The following C8orf34 variants were observed in gnomAD, a reference collection of about 807,000 sequenced individuals.
C8orf34 encodes the protein chromosome 8 open reading frame 34, also known as uncharacterized protein C8orf34.
In C8orf34, 65 loss-of-function variants were observed where a neutral mutation model predicts 68.3. That is an observed-to-expected ratio of 0.95 (90% confidence interval 0.78 to 1.17). C8orf34 has a LOEUF of 1.17. Ranked by LOEUF, C8orf34 falls within the 50% of genes most tolerant of loss-of-function variation. The probability of loss-of-function intolerance (pLI) is 0.00; values close to 1 mark genes in which losing one functional copy is unlikely to be tolerated. For missense variants in C8orf34, 664 were observed against 655.4 expected (o/e 1.01, Z -0.14); for synonymous variants, 244 against 241.2 (o/e 1.01, Z -0.11).
chr8:68,348,029 C>A (rs754164984), intron 1 of C8orf34, among the ~76,000 whole-genome samples: 3 of 152,016 alleles, frequency 2.0e-5, no homozygotes, highest in Non-Finnish European at 4.4e-5. Flanking sequence ...GTTATGAAAT[C>A]TTTGCCCATT....
intron 1 of C8orf34, among the ~76,000 whole-genome samples, chr8:68,390,919 G>A (rs1808455598): frequency 6.6e-6 from 1 of 152,104 alleles, no homozygotes; most frequent in African/African-American, 2.4e-5. Context: ...TCTTCTTCAG[G>A]AAAGCTCAGT....
intron 7 of C8orf34, among the ~76,000 whole-genome samples, chr8:68,639,277 T>C (rs1211645737): frequency 6.6e-6 from 1 of 152,134 alleles, no homozygotes; most frequent in African/African-American, 2.4e-5. Flanking sequence ...CTAAGTGTTT[T>C]TCCAGTTTGC....
chr8:68,353,637 T>TTATATA (rs10593212), intron 1 of C8orf34, among the ~76,000 whole-genome samples: 1 of 143,092 alleles, frequency 7.0e-6, no homozygotes, highest in Non-Finnish European at 1.5e-5. Context: ...TATATATATA[T>TTATATA]TATATATATA....
chr8:68,411,712 C>T (rs137874630), intron 1 of C8orf34, among the ~76,000 whole-genome samples: 5 of 152,262 alleles, frequency 3.3e-5, no homozygotes, highest in African/African-American at 1.2e-4. Context: ...ACTGTATTAC[C>T]AGCAATTACA....
chr8:68,534,700 A>G (rs1356551293), intron 7 of C8orf34: 2 of 985,248 alleles, frequency 2.0e-6, no homozygotes, highest in African/African-American at 1.7e-5. Flanking sequence ...GTGCTCCATA[A>G]CTATACCTGT....
At chr8:68,711,238 T>C (rs1441740218) in intron 9 of C8orf34, among the ~76,000 whole-genome samples, 1 of 152,072 alleles carries the variant, frequency 6.6e-6, no homozygotes, top group Non-Finnish European at 1.5e-5. Flanking sequence ...AAAACAATTC[T>C]GGTAATATGA....
chr8:68,680,523 T>A (rs1265676103), intron 8 of C8orf34, among the ~76,000 whole-genome samples: 1 of 152,050 alleles, frequency 6.6e-6, no homozygotes, highest in Non-Finnish European at 1.5e-5. Flanking sequence ...TATTAAGGGT[T>A]TCAAAAGGGG....
intron 1 of C8orf34, among the ~76,000 whole-genome samples, chr8:68,379,135 A>G (rs1301491621): frequency 6.6e-6 from 1 of 152,260 alleles, no homozygotes; most frequent in African/African-American, 2.4e-5. Flanking sequence ...AACTACATAT[A>G]TAAATCAATT....
chr8:68,681,800 G>C (rs191121977), intron 8 of C8orf34, among the ~76,000 whole-genome samples: 1 of 152,208 alleles, frequency 6.6e-6, no homozygotes, highest in East Asian at 1.9e-4. Context: ...GATAAAGAAA[G>C]TGCACATGTA....
At chr8:68,667,626 C>T (rs528118252) in intron 8 of C8orf34, among the ~76,000 whole-genome samples, 127 of 152,242 alleles carry the variant, frequency 8.3e-4, no homozygotes, top group Non-Finnish European at 1.5e-3. Context: ...GTTATAAATA[C>T]GTCAATGACT....
intron 6 of C8orf34, chr8:68,530,609 T>G (rs1186008540): frequency 6.3e-6 from 8 of 1,262,704 alleles, no homozygotes; most frequent in Non-Finnish European, 8.2e-6. Flanking sequence ...AGACACGTAA[T>G]GCAATGATGC....
intron 1 of C8orf34, among the ~76,000 whole-genome samples, chr8:68,435,198 A>G (rs1586135485): frequency 6.7e-6 from 1 of 149,000 alleles, no homozygotes. Context: ...TAATAAAAAT[A>G]TATAAATATA....
chr8:68,688,912 C>G (rs1820605608), intron 8 of C8orf34, among the ~76,000 whole-genome samples: 2 of 152,012 alleles, frequency 1.3e-5, no homozygotes, highest in South Asian at 4.1e-4. Context: ...TTGATAGGTG[C>G]AGCAAACCAT....
rs545965732 is a variant in C8orf34 at position 68,747,736 on chromosome 8, G to C, written c.1404+26299G>C. ...AACCACTGCTCAAGGAAATAAAAGA[G>C]GATACAAACAAATGGAAGAACATTC... On this transcript the variant is annotated intron_variant, in intron 10 of 13. Coordinates refer to ENST00000518698, the MANE Select transcript of C8orf34 (RefSeq NM_052958.4). Among the ~76,000 whole-genome samples, 856 of 151,888 alleles carry C rather than the reference G, an allele frequency of 5.6e-3. 8 individuals are homozygous for C. The highest frequency in any genetic ancestry group is 0.02 in the African/African-American group (810 of 41,380).
chr8:68,792,571 C>CAAAAAAA lies in C8orf34; in HGVS notation c.1549+5059_1549+5065dup, dbSNP rs1162293308. 1.3e-3 allele frequency: 54 copies of CAAAAAAA among 42,292 alleles called. 1 individual carries two copies. Among genetic ancestry groups the CAAAAAAA allele is most frequent in the African/African-American group, 2.7e-3 (39 of 14,286 alleles). 2.6% of individuals were successfully genotyped at this position (42,292 alleles called of 1,614,324 possible). ...TGGGTGACAGAGTGAGACTCCATCT[C>CAAAAAAA]AAAAAAAAAAAAAAAAAAAAAAAAA... On this transcript the variant is annotated intron_variant, in intron 12 of 13. Coordinates refer to ENST00000518698, the MANE Select transcript of C8orf34 (RefSeq NM_052958.4).
At chr8:68,697,990 C>T (rs950641342) in intron 8 of C8orf34, among the ~76,000 whole-genome samples, 2 of 152,062 alleles carry the variant, frequency 1.3e-5, no homozygotes, top group Non-Finnish European at 1.5e-5. Flanking sequence ...TCTTCTGTTC[C>T]CCATCCTTCC....
At chr8:68,782,267 A>T (rs1195502323) in intron 11 of C8orf34, among the ~76,000 whole-genome samples, 1 of 152,100 alleles carries the variant, frequency 6.6e-6, no homozygotes, top group Non-Finnish European at 1.5e-5. Flanking sequence ...TATCTTCTAC[A>T]TAGTTATGGA....
At chr8:68,566,783 G>C (rs1816603471) in intron 7 of C8orf34, among the ~76,000 whole-genome samples, 1 of 152,184 alleles carries the variant, frequency 6.6e-6, no homozygotes, top group South Asian at 2.1e-4. Context: ...GTTCACTGGA[G>C]TAGGACTTTA....
At chr8:68,356,846 A>C (rs897984059) in intron 1 of C8orf34, among the ~76,000 whole-genome samples, 3 of 152,112 alleles carry the variant, frequency 2.0e-5, no homozygotes, top group Non-Finnish European at 4.4e-5. Context: ...ATTCCTTTTG[A>C]GGTATAGCCC....
Sources: gnomAD v4.1 joint callset for allele counts (sites outside exome capture counted in the v4.1 genomes callset) on GRCh38, gnomAD v4.1.1 for gene constraint, MANE v1.5 for transcripts, NCBI Gene and HGNC (gene_info 2026-07-23, HGNC 2026-07-21) for gene names.